SCYL3: variants seen among roughly 807,000 people sequenced by gnomAD.
SCYL3 encodes the protein protein-associating with the carboxyl-terminal domain of ezrin.
SCYL3 carries 35 observed loss-of-function variants against 73.8 expected under a neutral mutation model. That is an observed-to-expected ratio of 0.47 (90% CI 0.36 to 0.63). The LOEUF is 0.63. Among genes scored for constraint, SCYL3 ranks in the 20% least tolerant of loss-of-function variants. The pLI, the probability that SCYL3 is intolerant of heterozygous loss-of-function variation, is 0.00. For synonymous variants in SCYL3, 277 were observed against 295.2 expected (o/e 0.94, Z 0.63); for missense variants, 712 against 798.9 (o/e 0.89, Z 1.31).
Position 169,850,390 on chromosome 1 carries a change from T to C in SCYL3, c.*3323A>G, listed in dbSNP as rs1036886685. On this transcript the variant is annotated 3_prime_UTR_variant, in exon 13 of 13. Coordinates refer to ENST00000367771, the MANE Select transcript of SCYL3 (RefSeq NM_020423.7). ...CATGTTTTATTCTTTGTCCTATTTT[T>C]TTTTTTCCGAAATTATGTAACTGTA... 1.4e-6 allele frequency: 2 copies of C among 1,407,000 alleles called. No homozygotes were observed. Among genetic ancestry groups the C allele is most frequent in the Non-Finnish European group, 2.0e-6 (2 of 1,012,478 alleles). 87.2% of individuals were successfully genotyped at this position (1,407,000 alleles called of 1,614,324 possible).
chr1:169,870,343 T>G lies in SCYL3; in HGVS notation c.537A>C (p.Thr179=), dbSNP rs1437337737. Residue 179 remains threonine (T), a synonymous_variant, in exon 6 of 13, where the codon ACA becomes ACC. Coordinates refer to ENST00000367771, the MANE Select transcript of SCYL3 (RefSeq NM_020423.7). ...IPPEEMSPEF[T]TLPECHGHAR... Reference sequence around the variant, plus strand: ...CATGTCCATGACACTCTGGGAGAGTTGTGAATTCTGGAGACTAAAAGCAGT... The same window carrying G: ...CATGTCCATGACACTCTGGGAGAGTGGTGAATTCTGGAGACTAAAAGCAGT... 6.2e-7 allele frequency: 1 copy of G among 1,611,538 alleles called. No homozygotes were observed. Among genetic ancestry groups the G allele is most frequent in the East Asian group, 2.2e-5 (1 of 44,814 alleles).
chr1:169,862,200 C>T (rs16862724), intron 10 of SCYL3, among the ~76,000 whole-genome samples: 4 of 152,212 alleles, frequency 2.6e-5, no homozygotes, highest in African/African-American at 9.6e-5. Flanking sequence ...ACTAACAAAA[C>T]CCTTTGGTGG....
rs1048186958 is a variant in SCYL3, at chr1:169,850,823, G to A, written c.*2890C>T. 6.4e-6 allele frequency: 1 copy of A among 155,212 alleles called. No individual in the cohort carries two copies. Among genetic ancestry groups the A allele is most frequent in the Admixed American group, 6.3e-5 (1 of 15,970 alleles). The allele number at this position is 155,212 out of a possible 1,614,324, so 9.6% of individuals were successfully genotyped here. On this transcript the variant is annotated 3_prime_UTR_variant, in exon 13 of 13. Coordinates refer to ENST00000367771, the MANE Select transcript of SCYL3 (RefSeq NM_020423.7). ...AAGGACACTTGTAGTTCCTCTGCCT[G>A]TAGTTTGGGGTGTAATAGCACTGAT...
At chr1:169,870,547 T>C (rs1338009845) in intron 5 of SCYL3, among the ~76,000 whole-genome samples, 190 bp from the exon 6 acceptor site, 1 of 152,192 alleles carries the variant, frequency 6.6e-6, no homozygotes, top group Admixed American at 6.5e-5. Flanking sequence ...AACATTAAAA[T>C]GAGCAAAAAT....
chr1:169,866,012 T>G (rs1660010824), intron 8 of SCYL3, among the ~76,000 whole-genome samples: 1 of 152,178 alleles, frequency 6.6e-6, no homozygotes, highest in Non-Finnish European at 1.5e-5. Flanking sequence ...ACCCTAATAT[T>G]TCCCTCTAGC....
intron 2 of SCYL3, among the ~76,000 whole-genome samples, chr1:169,883,347 G>A (rs1010552395): frequency 1.3e-5 from 2 of 152,110 alleles, no homozygotes; most frequent in African/African-American, 2.4e-5. Context: ...TAGAGGCCAC[G>A]AACCAGTACC....
At position 169,878,680 on chromosome 1, in the gene SCYL3, G is replaced by C. The variant is rs1021904267; in HGVS notation, c.305C>G (p.Ala102Gly). ...LETLSSAEVCAGIYDILLALI... is the reference protein window; with the variant it reads ...LETLSSAEVCGGIYDILLALI... ...AGCCAGCAATATGTCATAGATCCCA[G>C]CACAGACCTCTGCAGAAGACAATGT... Residue 102 changes from alanine (A) to glycine (G), a missense_variant, in exon 3 of 13, where the codon GCT (alanine) becomes GGT (glycine). Around this residue, in one of 2 missense-constraint regions of SCYL3, gnomAD observed 342 missense variants for 448.1 expected, o/e 0.76. Transcript: ENST00000367771. 1.6e-5 allele frequency: 26 copies of C among 1,614,012 alleles called. No individual in the cohort carries two copies. Among genetic ancestry groups the C allele is most frequent in the Non-Finnish European group, 2.0e-5 (24 of 1,180,016 alleles).
chr1:169,855,411 T>G (rs1202459594), intron 11 of SCYL3, among the ~76,000 whole-genome samples: 1 of 152,178 alleles, frequency 6.6e-6, no homozygotes, highest in Non-Finnish European at 1.5e-5. Context: ...CACTGAGAGA[T>G]CCTGTGCAAT....
At chr1:169,876,872 G>A (rs1030440365) in intron 3 of SCYL3, among the ~76,000 whole-genome samples, 3 of 149,740 alleles carry the variant, frequency 2.0e-5, no homozygotes, top group South Asian at 2.1e-4. Context: ...GGAGAATGGC[G>A]TGAACCCGGG....
intron 2 of SCYL3, among the ~76,000 whole-genome samples, chr1:169,879,708 G>GA (rs1421594970): frequency 1.3e-5 from 2 of 151,974 alleles, no homozygotes; most frequent in South Asian, 2.1e-4. Context: ...ATTCTCAATG[G>GA]AAAAGACAAC....
chr1:169,851,725 T>C lies in SCYL3; in HGVS notation c.*1988A>G. On this transcript the variant is annotated 3_prime_UTR_variant, in exon 13 of 13. Coordinates refer to ENST00000367771, the MANE Select transcript of SCYL3 (RefSeq NM_020423.7). ...ACTTCCAGAATTTGCCTAGTATGGT[T>C]GAACACTCAGCACTTAAATTATGTG... The C allele has an allele frequency of 6.6e-7, 1 of 1,504,106 alleles. No individual in the cohort carries two copies. Among genetic ancestry groups the C allele is most frequent in the Non-Finnish European group, 9.0e-7 (1 of 1,112,284 alleles). The allele number at this position is 1,504,106 out of a possible 1,614,324, so 93.2% of individuals were successfully genotyped here.
At chr1:169,888,606 T>G in intron 2 of SCYL3, 70 bp downstream of exon 2, 2 of 1,288,550 alleles carry the variant, frequency 1.6e-6, no homozygotes, top group Non-Finnish European at 2.2e-6. Flanking sequence ...CTTTACTAAT[T>G]TCATATTTTT....
At position 169,855,692 on chromosome 1, in the gene SCYL3, C is replaced by T. The variant is rs555332146; in HGVS notation, c.1313-728G>A. On this transcript the variant is annotated intron_variant, in intron 11 of 12. Transcript: ENST00000367771. ...GAGACCAAAGCTGACTACATAATTA[C>T]AAATAAATCAGTCTCAAAACTCCCA... 5 of 1,058,364 alleles carry T rather than the reference C, an allele frequency of 4.7e-6. No homozygotes were observed. In the Admixed American group the frequency reaches 1.1e-4, roughly 23 times the overall value. 65.6% of individuals were successfully genotyped at this position (1,058,364 alleles called of 1,614,324 possible).
intron 12 of SCYL3, 106 bp downstream of exon 12, chr1:169,854,164 G>GACTTC: frequency 2.2e-6 from 2 of 896,836 alleles, no homozygotes; most frequent in Admixed American, 6.1e-5. Flanking sequence ...TGCTTGACTT[G>GACTTC]ACTAGGAAAA....
At chr1:169,882,484 T>C (rs2102201402) in intron 2 of SCYL3, among the ~76,000 whole-genome samples, 1 of 152,270 alleles carries the variant, frequency 6.6e-6, no homozygotes, top group Non-Finnish European at 1.5e-5. Flanking sequence ...CCCAAAGGGC[T>C]GAGGAGTGCG....
chr1:169,861,538 A>G (rs1558122187), intron 10 of SCYL3, among the ~76,000 whole-genome samples: 1 of 152,192 alleles, frequency 6.6e-6, no homozygotes, highest in African/African-American at 2.4e-5. Flanking sequence ...GACTCAGCTG[A>G]TATGTGGAAC....
chr1:169,879,917 CAG>C (rs1310532809), intron 2 of SCYL3, among the ~76,000 whole-genome samples: 2 of 151,864 alleles, frequency 1.3e-5, no homozygotes, highest in Non-Finnish European at 2.9e-5. Context: ...TGACAGAATA[CAG>C]AGTCAGTAAA....
chr1:169,852,829 G>A lies in SCYL3; in HGVS notation c.*884C>T, dbSNP rs757812303. 3 of 1,614,112 alleles carry A rather than the reference G, an allele frequency of 1.9e-6. No homozygotes were observed. In the East Asian group the frequency reaches 6.7e-5, roughly 36 times the overall value. Reference sequence around the variant, plus strand: ...AGCTCGTCAGGAGTTCCCCTGGGAAGAAGAGTACAGGTCAGCGCTGCATAC... The same window carrying A: ...AGCTCGTCAGGAGTTCCCCTGGGAAAAAGAGTACAGGTCAGCGCTGCATAC... On this transcript the variant is annotated 3_prime_UTR_variant, in exon 13 of 13. Transcript: ENST00000367771.
chr1:169,871,161 TC>T (rs1388491954), intron 5 of SCYL3, among the ~76,000 whole-genome samples: 2 of 152,186 alleles, frequency 1.3e-5, no homozygotes, highest in African/African-American at 4.8e-5. Flanking sequence ...TATTATGGAT[TC>T]CAGCAAAGTG....
Sources: gnomAD v4.1 joint callset for allele counts (sites outside exome capture counted in the v4.1 genomes callset) on GRCh38, gnomAD v4.1.1 for gene constraint, gnomAD v4.1.1 regional missense constraint, MANE v1.5 for transcripts, NCBI Gene and HGNC (gene_info 2026-07-23, HGNC 2026-07-21) for gene names.